LRRCC1: variants seen among roughly 807,000 people sequenced by gnomAD.
The protein encoded by LRRCC1 is leucine-rich repeat and coiled-coil domain-containing protein 1.
In LRRCC1, 115 loss-of-function variants were observed where a neutral mutation model predicts 126.0. That is an observed-to-expected ratio of 0.91 (90% CI 0.78 to 1.07). LRRCC1 has a LOEUF of 1.07. LRRCC1 is among the 50% of genes least tolerant of loss of function. The probability of loss-of-function intolerance (pLI) is 0.00; values close to 1 mark genes in which losing one functional copy is unlikely to be tolerated. For synonymous variants in LRRCC1, 400 were observed against 393.4 expected, an observed-to-expected ratio of 1.02 and a Z score of -0.20; for missense variants, 1,172 against 1,175.7, an observed-to-expected ratio of 1.00 and a Z score of 0.05.
chr8:85,108,893 T>C (rs531568677), intron 1 of LRRCC1: 2 of 152,298 alleles, frequency 1.3e-5, no homozygotes, highest in Admixed American at 1.3e-4. Context: ...TAAATAGTAA[T>C]TGGAGTGAAG....
intron 10 of LRRCC1, 33 bp from the exon 11 acceptor site, chr8:85,129,886 T>C (rs771361723): frequency 4.1e-6 from 6 of 1,468,564 alleles, no homozygotes; most frequent in East Asian, 2.6e-5. Flanking sequence ...GAGACTATTA[T>C]CTAAATAATG....
Position 85,145,620 on chromosome 8 carries a change from C to A in LRRCC1, c.*109C>A. On this transcript the variant is annotated 3_prime_UTR_variant, in exon 19 of 19. Coordinates refer to ENST00000360375, the MANE Select transcript of LRRCC1 (RefSeq NM_033402.5). ...TGACTTTGAAATGTCTCTTTCTATA[C>A]ATTTCATTATGAATATATTTTTAAA... 1.2e-6 allele frequency: 1 copy of A among 825,830 alleles called. No individual in the cohort carries two copies. The highest frequency in any genetic ancestry group is 1.8e-6 in the Non-Finnish European group (1 of 555,906). 51.2% of individuals were successfully genotyped at this position (825,830 alleles called of 1,614,324 possible).
chr8:85,144,797 G>A (rs184726485), intron 18 of LRRCC1, among the ~76,000 whole-genome samples: 3,353 of 141,278 alleles, frequency 0.024, 65 homozygotes, highest in Middle Eastern at 0.04. Context: ...TTGGCCAGGC[G>A]TAGTGGCTCA....
At chr8:85,126,636 T>C in intron 8 of LRRCC1, 53 bp from the exon 9 acceptor site, 3 of 1,505,046 alleles carry the variant, frequency 2.0e-6, no homozygotes, top group Non-Finnish European at 2.7e-6. Context: ...ATTGAGGCTG[T>C]GAGAAGTTAG....
Position 85,107,336 on chromosome 8 carries a change from T to C in LRRCC1, c.41T>C (p.Val14Ala), listed in dbSNP as rs1238865417. The C allele has an allele frequency of 6.2e-7, 1 of 1,613,092 alleles. No individual in the cohort carries two copies. The highest frequency in any genetic ancestry group is 8.5e-7 in the Non-Finnish European group (1 of 1,179,650). ...AAAVVAAEAE[V>A]ENEDGDSSCG... Reference sequence around the variant, plus strand: ...GCGGTGGTGGCGGCAGAGGCGGAAGTGGAAAACGAAGACGGCGACAGCAGC... The same window carrying C: ...GCGGTGGTGGCGGCAGAGGCGGAAGCGGAAAACGAAGACGGCGACAGCAGC... Residue 14 changes from valine (V) to alanine (A), a missense_variant, in exon 1 of 19, where the codon GTG becomes GCG. Val to Ala is a moderately conservative substitution (Grantham distance 64). Coordinates refer to ENST00000360375, the MANE Select transcript of LRRCC1 (RefSeq NM_033402.5).
At chr8:85,127,912 T>C (rs1345235810) in intron 9 of LRRCC1, among the ~76,000 whole-genome samples, 1 of 152,210 alleles carries the variant, frequency 6.6e-6, no homozygotes, top group South Asian at 2.1e-4. Flanking sequence ...GATGTCTCAA[T>C]TAAGAGTGCT....
chr8:85,131,616 G>T, intron 11 of LRRCC1, 144 bp from the exon 12 acceptor site: 1 of 611,808 alleles, frequency 1.6e-6, no homozygotes, highest in Admixed American at 3.3e-5. Flanking sequence ...ACCTATCTAT[G>T]CCCAATTACT....
At chr8:85,137,683 G>A (rs376258015) in intron 15 of LRRCC1, 56 bp downstream of exon 15, 2 of 1,238,898 alleles carry the variant, frequency 1.6e-6, no homozygotes, top group East Asian at 5.5e-5. Flanking sequence ...GCAAATCTTT[G>A]GATCAAAGTA....
Position 85,130,023 on chromosome 8 carries a change from T to TG in LRRCC1, c.1731_1732insG (p.His578AlafsTer16), listed in dbSNP as rs749971931. ...GAGAAAGAGAACAAGCGCAACAACT[T>TG]CATCAACTTCTTGCATTGAAAGAAC... On this transcript the variant is annotated frameshift_variant, in exon 11 of 19. Transcript: ENST00000360375. LOFTEE classifies it high-confidence loss of function. The TG allele has an allele frequency of 1.3e-6, 2 of 1,597,750 alleles. No individual in the cohort carries two copies. Among genetic ancestry groups the TG allele is most frequent in the Non-Finnish European group, 1.7e-6 (2 of 1,173,966 alleles).
At chr8:85,127,803 C>T (rs1213766345) in intron 9 of LRRCC1, among the ~76,000 whole-genome samples, 2 of 152,188 alleles carry the variant, frequency 1.3e-5, no homozygotes, top group Non-Finnish European at 2.9e-5. Context: ...TTATCACTAG[C>T]CCTTCTACCA....
chr8:85,141,143 A>G (rs1461587330), intron 17 of LRRCC1, among the ~76,000 whole-genome samples: 2 of 152,166 alleles, frequency 1.3e-5, no homozygotes, highest in East Asian at 3.8e-4. Context: ...AGAAAATGAA[A>G]GTGTAAAAAA....
intron 9 of LRRCC1, among the ~76,000 whole-genome samples, chr8:85,128,742 A>G (rs536783581): frequency 4.6e-5 from 7 of 152,212 alleles, no homozygotes; most frequent in Middle Eastern, 3.4e-3. Context: ...TCTTGCCCTA[A>G]TAAATGGTGC....
intron 12 of LRRCC1, among the ~76,000 whole-genome samples, chr8:85,134,039 C>A (rs536463176): frequency 6.6e-6 from 1 of 152,266 alleles, no homozygotes; most frequent in African/African-American, 2.4e-5. Flanking sequence ...ATGTATCAGG[C>A]ACATTCCTGC....
In LRRCC1 at chr8:85,137,506, T is replaced by C. The variant is rs199789826; in HGVS notation, c.2372T>C (p.Ile791Thr). ...AQNRGKLEAQ[I>T]ESLSRENECL... The stretch of plus-strand genomic sequence containing the variant: ...AATCGTGGAAAATTGGAGGCTCAAA[T>C]TGAGAGTTTATCTAGAGAGAATGAA... Residue 791 changes from isoleucine (I) to threonine (T), a missense_variant, in exon 15 of 19, where the codon ATT becomes ACT. By Grantham distance (89) the Ile-to-Thr change is moderately conservative. Transcript: ENST00000360375. 337 of 1,560,878 alleles carry C rather than the reference T, an allele frequency of 2.2e-4. 1 individual carries two copies. Among genetic ancestry groups the C allele is most frequent in the African/African-American group, 1.6e-3 (118 of 71,858 alleles).
At chr8:85,118,367 T>C (rs1461815108) in intron 6 of LRRCC1, among the ~76,000 whole-genome samples, 5 of 152,104 alleles carry the variant, frequency 3.3e-5, no homozygotes, top group Non-Finnish European at 7.4e-5. Context: ...TGTAAACATG[T>C]ATCTTTGTTT....
At chr8:85,144,182 G>A (rs1219608464) in intron 18 of LRRCC1, among the ~76,000 whole-genome samples, 2 of 152,008 alleles carry the variant, frequency 1.3e-5, no homozygotes, top group East Asian at 1.9e-4. Context: ...AAAGCTGTAG[G>A]CACTACATTA....
At chr8:85,137,421 C>T in intron 14 of LRRCC1, 43 bp from the exon 15 acceptor site, 1 of 1,341,718 alleles carries the variant, frequency 7.5e-7, no homozygotes, top group Non-Finnish European at 1.0e-6. Context: ...TACAAACCCC[C>T]AAGGTGTTTC....
At chr8:85,137,270 G>T (rs901934414) in intron 14 of LRRCC1, among the ~76,000 whole-genome samples, 194 bp from the exon 15 acceptor site, 1 of 152,052 alleles carries the variant, frequency 6.6e-6, no homozygotes, top group African/African-American at 2.4e-5. Context: ...TGTGGTTTCA[G>T]GTTTTGAAAT....
rs1312161929 is a variant in LRRCC1 at position 85,144,440 on chromosome 8, GTGTGTATATATATA to G, written c.2977-947_2977-934del. Among the ~76,000 whole-genome samples the G allele has an allele frequency of 5.0e-3, 185 of 37,234 alleles. 3 individuals are homozygous for G. The highest frequency in any genetic ancestry group is 0.019 in the African/African-American group (176 of 9,476). The allele number at this position is 37,234 out of a possible 152,430, so 24.4% of individuals were successfully genotyped here. On this transcript the variant is annotated intron_variant, in intron 18 of 18. Transcript: ENST00000360375. Reference sequence around the variant, plus strand: ...TGTGTGTGTGTGTATGTGTGTGTGTGTGTGTATATATATATATATATATATATATATATATTTTT... The same window carrying G: ...TGTGTGTGTGTGTATGTGTGTGTGTGTATATATATATATATATATATTTTT...
Sources: allele counts gnomAD v4.1 joint callset (sites outside exome capture counted in the v4.1 genomes callset), GRCh38; gene constraint gnomAD v4.1.1; transcripts MANE v1.5; gene names NCBI Gene and HGNC (gene_info 2026-07-23, HGNC 2026-07-21).